Variants in SSH2 observed in about 807,000 individuals in gnomAD.
SSH2 encodes the protein slingshot protein phosphatase 2.
Under a neutral mutation model 135.2 loss-of-function variants are expected in SSH2, and 37 were observed. The ratio of observed to expected loss-of-function variants is 0.27; its 90% confidence interval spans 0.21 to 0.36. The LOEUF (loss-of-function observed/expected upper bound fraction) is 0.36. Ranked by LOEUF, SSH2 falls within the 10% of genes least tolerant of loss-of-function variation. SSH2 has a pLI of 1.00. For synonymous variants in SSH2, 628 were observed against 646.2 expected, an observed-to-expected ratio of 0.97 and a Z score of 0.43; for missense variants, 1,408 against 1,765.3, an observed-to-expected ratio of 0.80 and a Z score of 3.63.
intron 3 of SSH2, chr17:29,761,149 C>T: frequency 3.9e-6 from 5 of 1,289,044 alleles, no homozygotes; most frequent in Non-Finnish European, 5.1e-6. Context: ...GGCGGACTCA[C>T]AGCTGGTTGA....
At chr17:29,751,182 G>A (rs1050548820) in intron 3 of SSH2, among the ~76,000 whole-genome samples, 7 of 152,188 alleles carry the variant, frequency 4.6e-5, no homozygotes, top group Admixed American at 6.5e-5. Context: ...CTGGGAGGCC[G>A]AGGCGGGTGG....
intron 1 of SSH2, among the ~76,000 whole-genome samples, chr17:29,921,776 G>A (rs955924655): frequency 1.6e-4 from 25 of 151,940 alleles, no homozygotes; most frequent in South Asian, 1.0e-3. Flanking sequence ...TCAAACTCCC[G>A]ACCTCAGGTG....
At chr17:29,916,794 G>C (rs1165706317) in intron 1 of SSH2, among the ~76,000 whole-genome samples, 1 of 152,130 alleles carries the variant, frequency 6.6e-6, no homozygotes, top group African/African-American at 2.4e-5. Flanking sequence ...AATAGATTAA[G>C]ATAATGTACT....
intron 3 of SSH2, among the ~76,000 whole-genome samples, chr17:29,718,287 C>T (rs918807192): frequency 2.0e-5 from 3 of 152,100 alleles, no homozygotes; most frequent in African/African-American, 7.2e-5. Context: ...TCCACGATTT[C>T]GTCACCACTC....
At chr17:29,835,308 C>A (rs1436706160) in intron 2 of SSH2, among the ~76,000 whole-genome samples, 2 of 152,090 alleles carry the variant, frequency 1.3e-5, no homozygotes, top group African/African-American at 4.8e-5. Context: ...GTTGGAAAAC[C>A]CTAAAACAAA....
rs189433054 is a variant in SSH2, at chr17:29,893,465, T to A, written c.63+36473A>T. Among the ~76,000 whole-genome samples the A allele has an allele frequency of 1.9e-3, 286 of 152,260 alleles. 2 individuals are homozygous for A. The highest frequency in any genetic ancestry group is 2.2e-3 in the Non-Finnish European group (147 of 68,012). On this transcript the variant is annotated intron_variant, in intron 1 of 15. Transcript: ENST00000540801. ...ATGACCTTATACAAGAAGTGCCATATAACTGTTCACCCGTTTTCCCCTTTT... is the reference window on the plus strand; with the variant it reads ...ATGACCTTATACAAGAAGTGCCATAAAACTGTTCACCCGTTTTCCCCTTTT...
intron 9 of SSH2, among the ~76,000 whole-genome samples, chr17:29,668,130 T>C (rs1470092158): frequency 6.6e-6 from 1 of 152,200 alleles, no homozygotes; most frequent in Non-Finnish European, 1.5e-5. Context: ...TATTTGGAGA[T>C]GAAAATGGAC....
At chr17:29,679,755 T>C (rs1219983845) in intron 6 of SSH2, among the ~76,000 whole-genome samples, 1 of 152,226 alleles carries the variant, frequency 6.6e-6, no homozygotes, top group Non-Finnish European at 1.5e-5. Context: ...CTTAATTTCT[T>C]CATTTGTAAA....
chr17:29,681,288 T>C (rs2037974279), intron 6 of SSH2, among the ~76,000 whole-genome samples: 1 of 130,790 alleles, frequency 7.6e-6, no homozygotes. Context: ...TGAGCTGAGA[T>C]TGCACCACTG....
At chr17:29,711,983 G>A (rs1008662975) in intron 3 of SSH2, among the ~76,000 whole-genome samples, 4 of 152,146 alleles carry the variant, frequency 2.6e-5, no homozygotes, top group Non-Finnish European at 5.9e-5. Flanking sequence ...AGGTCCTGAC[G>A]ACATGTTCCC....
At position 29,649,001 on chromosome 17, in the gene SSH2, A is replaced by C. The variant is rs552608724; in HGVS notation, c.1227-657T>G. On this transcript the variant is annotated intron_variant, in intron 13 of 15. Transcript: ENST00000540801. ...TAAAAATACAAAAAAATTAGCCAGG[A>C]GTGGTGGTGTGTGCCTGTAATCCCA... Among the ~76,000 whole-genome samples, 7 of 151,970 alleles carry C rather than the reference A, an allele frequency of 4.6e-5. No homozygotes were observed. In the East Asian group the frequency reaches 9.7e-4, roughly 21 times the overall value.
intron 2 of SSH2, among the ~76,000 whole-genome samples, chr17:29,801,120 C>T (rs933276921): frequency 3.3e-5 from 5 of 152,140 alleles, no homozygotes; most frequent in Admixed American, 1.3e-4. Flanking sequence ...CTATCTCAGC[C>T]TCCCAAAGTG....
At chr17:29,916,606 G>A (rs1020736682) in intron 1 of SSH2, among the ~76,000 whole-genome samples, 4 of 151,782 alleles carry the variant, frequency 2.6e-5, no homozygotes, top group African/African-American at 7.3e-5. Flanking sequence ...GATAACAGGC[G>A]TGCACCACCA....
intron 1 of SSH2, among the ~76,000 whole-genome samples, chr17:29,853,841 C>CT (rs1382254443): frequency 2.0e-5 from 3 of 151,438 alleles, no homozygotes; most frequent in African/African-American, 7.3e-5. Flanking sequence ...TAACATGTGC[C>CT]TGTAGTTCTA....
intron 3 of SSH2, among the ~76,000 whole-genome samples, chr17:29,771,562 T>C (rs944221748): frequency 1.3e-5 from 2 of 152,248 alleles, no homozygotes; most frequent in Non-Finnish European, 2.9e-5. Context: ...TCCTTTTCAC[T>C]GCCTTTCATC....
rs772845736 is a variant in SSH2 at position 29,632,826 on chromosome 17, C to T, written c.2368G>A (p.Val790Ile). 3 of 1,614,072 alleles carry T rather than the reference C, an allele frequency of 1.9e-6. No homozygotes were observed. Among genetic ancestry groups the T allele is most frequent in the Admixed American group, 1.7e-5 (1 of 60,002 alleles). Reference protein sequence around the residue: ...VTEIESISQGVGQIQLKGDIL... With the variant: ...VTEIESISQGIGQIQLKGDIL... ...TCTCCTTTCAGTTGAATCTGCCCAA[C>T]TCCTTGACTGATGGACTCAATTTCA... The change falls in exon 16 of 16, where the codon GTT becomes ATT. Residue 790 changes from valine (V) to isoleucine (I), a missense_variant. Physicochemically the swap from Val to Ile is conservative, Grantham distance 29. Coordinates refer to ENST00000540801, the MANE Select transcript of SSH2 (RefSeq NM_001282129.2).
At chr17:29,665,436 C>T (rs1472945982) in intron 11 of SSH2, among the ~76,000 whole-genome samples, 1 of 152,180 alleles carries the variant, frequency 6.6e-6, no homozygotes, top group African/African-American at 2.4e-5. Flanking sequence ...CACAAGCCTT[C>T]AAAGGCATAG....
intron 1 of SSH2, among the ~76,000 whole-genome samples, chr17:29,894,806 C>A (rs1462074155): frequency 6.6e-6 from 1 of 151,758 alleles, no homozygotes; most frequent in Non-Finnish European, 1.5e-5. Flanking sequence ...TATTCTAGAC[C>A]CTTCCTTCTC....
chr17:29,751,132 T>A (rs1205603905), intron 3 of SSH2, among the ~76,000 whole-genome samples: 1 of 152,164 alleles, frequency 6.6e-6, no homozygotes, highest in Non-Finnish European at 1.5e-5. Context: ...GAGTACACTG[T>A]AGGCCAGGCG....
Sources: gnomAD v4.1 joint callset for allele counts (sites outside exome capture counted in the v4.1 genomes callset) on GRCh38, gnomAD v4.1.1 for gene constraint, MANE v1.5 for transcripts, NCBI Gene and HGNC (gene_info 2026-07-23, HGNC 2026-07-21) for gene names.